EXOC4: variants seen among roughly 807,000 people sequenced by gnomAD.
The protein encoded by EXOC4 is exocyst complex component 4, also known as SEC8-like 1.
In EXOC4, 71 loss-of-function variants were observed where a neutral mutation model predicts 107.2. That is an observed-to-expected ratio of 0.66 (90% CI 0.55 to 0.81). The LOEUF (loss-of-function observed/expected upper bound fraction) is 0.81, where lower values mean the gene tolerates loss of function less well. EXOC4 is among the 30% of genes least tolerant of loss of function. The probability of loss-of-function intolerance (pLI) is 0.00; values close to 1 mark genes in which losing one functional copy is unlikely to be tolerated. For synonymous variants in EXOC4, 456 were observed against 441.2 expected (o/e 1.03, Z -0.42); for missense variants, 1,108 against 1,189.6 (o/e 0.93, Z 1.01).
intron 9 of EXOC4, among the ~76,000 whole-genome samples, chr7:133,623,869 C>A (rs1033992466): frequency 6.6e-6 from 1 of 152,082 alleles, no homozygotes; most frequent in Non-Finnish European, 1.5e-5. Context: ...CAGCATTAAG[C>A]CATAATGATC....
chr7:133,324,848 C>T (rs756422232), intron 5 of EXOC4, among the ~76,000 whole-genome samples: 1 of 151,940 alleles, frequency 6.6e-6, no homozygotes, highest in Admixed American at 6.6e-5. Flanking sequence ...GGAGTCTAAG[C>T]CTCTTTGTAG....
intron 14 of EXOC4, among the ~76,000 whole-genome samples, chr7:133,953,361 G>T (rs919446486): frequency 6.6e-6 from 1 of 152,142 alleles, no homozygotes; most frequent in Admixed American, 6.5e-5. Context: ...ACTTTGGGAG[G>T]CTGAGGTGGG....
At chr7:133,595,186 CTG>C (rs1801638442) in intron 9 of EXOC4, among the ~76,000 whole-genome samples, 1 of 152,082 alleles carries the variant, frequency 6.6e-6, no homozygotes, top group South Asian at 2.1e-4. Flanking sequence ...ACCCAGAAGA[CTG>C]TGCAGGAACA....
intron 5 of EXOC4, among the ~76,000 whole-genome samples, chr7:133,319,130 A>G (rs1795053642): frequency 6.6e-6 from 1 of 152,206 alleles, no homozygotes; most frequent in Admixed American, 6.5e-5. Flanking sequence ...ATTTATGTAA[A>G]TGTTGCCAAG....
intron 9 of EXOC4, among the ~76,000 whole-genome samples, chr7:133,543,237 A>G (rs951226733): frequency 3.9e-5 from 6 of 152,136 alleles, no homozygotes; most frequent in Non-Finnish European, 7.4e-5. Flanking sequence ...CATAATCTCA[A>G]TAGCCTAAGG....
At chr7:133,353,533 T>A (rs1473185786) in intron 5 of EXOC4, among the ~76,000 whole-genome samples, 1 of 152,120 alleles carries the variant, frequency 6.6e-6, no homozygotes, top group Non-Finnish European at 1.5e-5. Context: ...GGGGATCCTG[T>A]ATATGATGAG....
intron 14 of EXOC4, among the ~76,000 whole-genome samples, chr7:133,977,428 A>G (rs1214556713): frequency 6.6e-6 from 1 of 152,214 alleles, no homozygotes; most frequent in African/African-American, 2.4e-5. Flanking sequence ...AAAAATAATG[A>G]AGAGAAAGGA....
intron 10 of EXOC4, among the ~76,000 whole-genome samples, chr7:133,735,219 CAAAAAAAAAAA>C (rs56769096): frequency 2.1e-3 from 71 of 33,504 alleles, no homozygotes; most frequent in Admixed American, 5.0e-3. Context: ...GACTCTGTCT[CAAAAAAAAAAA>C]AAAAAAAAAA....
intron 6 of EXOC4, among the ~76,000 whole-genome samples, chr7:133,366,529 C>T (rs141869937): frequency 3.4e-4 from 51 of 152,194 alleles, no homozygotes; most frequent in Non-Finnish European, 6.3e-4. Context: ...TCTTTCAGTT[C>T]GTAACTGTAC....
chr7:133,258,998 G>A (rs980761768), intron 1 of EXOC4, among the ~76,000 whole-genome samples: 1 of 151,908 alleles, frequency 6.6e-6, no homozygotes, highest in Non-Finnish European at 1.5e-5. Flanking sequence ...TTTATAAAAA[G>A]GACAACAATA....
At chr7:133,362,113 T>A (rs772547166) in intron 6 of EXOC4, among the ~76,000 whole-genome samples, 7 of 152,222 alleles carry the variant, frequency 4.6e-5, no homozygotes, top group Non-Finnish European at 1.5e-5. Flanking sequence ...TGTAGACATT[T>A]GTTTTAATTT....
chr7:133,875,574 A>G (rs1798831221), intron 11 of EXOC4, among the ~76,000 whole-genome samples: 1 of 152,216 alleles, frequency 6.6e-6, no homozygotes, highest in Admixed American at 6.5e-5. Flanking sequence ...GAGGCTGGTC[A>G]CATAGAATGG....
Position 134,064,353 on chromosome 7 carries a change from G to T in EXOC4, c.2750G>T (p.Gly917Val). The T allele has an allele frequency of 3.9e-6, 6 of 1,537,508 alleles. No individual in the cohort carries two copies. The highest frequency in any genetic ancestry group is 1.4e-5 in the African/African-American group (1 of 72,298). ...DELLNLVVDQ[G>V]VKYTELEYIH... The stretch of plus-strand genomic sequence containing the variant: ...CTCCTGAACCTGGTGGTGGACCAGG[G>T]TGTGAAGTACACGGAGCTGGAGTAC... Residue 917 changes from glycine (G) to valine (V), a missense_variant, in exon 18 of 18, where the codon GGT (glycine) becomes GTT (valine). By Grantham distance (109) the Gly-to-Val change is moderately radical. Transcript: ENST00000253861.
At position 133,475,374 on chromosome 7, in the gene EXOC4, C is replaced by G. The variant is rs1798986933; in HGVS notation, c.1229C>G (p.Ser410Cys). The change falls in exon 8 of 18, where the codon TCT (serine) becomes TGT (cysteine). Residue 410 changes from serine (S) to cysteine (C), a missense_variant. Physicochemically the swap from Ser to Cys is moderately radical, Grantham distance 112 (BLOSUM62 -1). Transcript: ENST00000253861. The part of the protein sequence containing the change: ...YLDMKNTRTA[S>C]EPSAQLSYAS... ...GATATGAAAAATACTCGTACGGCCT[C>G]TGAACCATCAGCTCAACTAAGCTAT... The G allele has an allele frequency of 6.2e-7, 1 of 1,613,846 alleles. No homozygotes were observed. The highest frequency in any genetic ancestry group is 8.5e-7 in the Non-Finnish European group (1 of 1,179,858).
chr7:133,679,829 GA>G (rs376005609), intron 10 of EXOC4, among the ~76,000 whole-genome samples: 1 of 152,322 alleles, frequency 6.6e-6, no homozygotes, highest in African/African-American at 2.4e-5. Flanking sequence ...CCATATGTGA[GA>G]ACATGCAGTA....
chr7:133,478,363 ATT>A (rs1799070851), intron 8 of EXOC4, among the ~76,000 whole-genome samples: 1 of 151,858 alleles, frequency 6.6e-6, no homozygotes, highest in South Asian at 2.1e-4. Context: ...TTAAATAATT[ATT>A]ACACATTTTT....
chr7:134,013,157 G>A (rs953958245), intron 17 of EXOC4, among the ~76,000 whole-genome samples: 2 of 152,178 alleles, frequency 1.3e-5, no homozygotes, highest in South Asian at 2.1e-4. Context: ...TATTTTTAGT[G>A]TGCTATATGA....
chr7:134,093,764 A>C, the EXOC4 span, among the ~76,000 whole-genome samples: 1 of 152,198 alleles, frequency 6.6e-6, no homozygotes, highest in African/African-American at 2.4e-5. Context: ...AATCAATACC[A>C]AGAAGATTCT....
At chr7:133,815,113 T>G (rs953668242) in intron 10 of EXOC4, among the ~76,000 whole-genome samples, 2 of 152,178 alleles carry the variant, frequency 1.3e-5, no homozygotes, top group Non-Finnish European at 2.9e-5. Context: ...TTTAAAATTT[T>G]TTATCAAAAC....
Sources: gnomAD v4.1 joint callset for allele counts (sites outside exome capture counted in the v4.1 genomes callset) on GRCh38, gnomAD v4.1.1 for gene constraint, MANE v1.5 for transcripts, NCBI Gene and HGNC (gene_info 2026-07-23, HGNC 2026-07-21) for gene names.